The following PLPP4 variants were observed in gnomAD, a reference collection of about 807,000 sequenced individuals.
The protein encoded by PLPP4 is phospholipid phosphatase 4.
A neutral mutation model predicts 32.2 loss-of-function variants in PLPP4; 20 were observed. That is an observed-to-expected ratio of 0.62 (90% CI 0.44 to 0.90). The LOEUF (loss-of-function observed/expected upper bound fraction) is 0.90, where lower values mean the gene tolerates loss of function less well. Ranked by LOEUF, PLPP4 falls within the 40% of genes least tolerant of loss-of-function variation. PLPP4 has a pLI of 0.00. For missense variants in PLPP4, 257 were observed against 353.1 expected, an observed-to-expected ratio of 0.73 and a Z score of 2.18; for synonymous variants, 127 against 133.0, an observed-to-expected ratio of 0.95 and a Z score of 0.31.
intron 1 of PLPP4, among the ~76,000 whole-genome samples, chr10:120,488,935 A>G (rs1490855470): frequency 1.3e-5 from 2 of 152,240 alleles, no homozygotes; most frequent in East Asian, 3.8e-4. Flanking sequence ...ATTGGAGATA[A>G]CAGTGCCTAC....
chr10:120,571,643 T>C (rs1834490942), intron 5 of PLPP4, among the ~76,000 whole-genome samples: 1 of 152,158 alleles, frequency 6.6e-6, no homozygotes, highest in African/African-American at 2.4e-5. Flanking sequence ...ATTTCAGAGT[T>C]GGGTGGGAGA....
intron 6 of PLPP4, among the ~76,000 whole-genome samples, chr10:120,584,424 T>C (rs1383321338): frequency 6.6e-6 from 1 of 152,236 alleles, no homozygotes; most frequent in East Asian, 1.9e-4. Context: ...GTCCCATTCG[T>C]TCAGCCTGTG....
chr10:120,589,781 G>A lies in PLPP4; in HGVS notation c.*279G>A, dbSNP rs1849936814. ...CTTGGCCGATTCGTCTATCTGAAAT[G>A]TTTGCTGTAACAGCCACCTTCCTAT... On this transcript the variant is annotated 3_prime_UTR_variant, in exon 7 of 7. Transcript: ENST00000398250. 2.6e-6 allele frequency: 1 copy of A among 386,684 alleles called. No individual in the cohort carries two copies. Among genetic ancestry groups the A allele is most frequent in the Middle Eastern group, 6.8e-4 (1 of 1,462 alleles). 24.0% of individuals were successfully genotyped at this position (386,684 alleles called of 1,614,324 possible). A position where few individuals can be genotyped will look rare whatever the true frequency, so the allele number is the denominator to read the frequency against.
At chr10:120,548,595 A>G (rs1847742350) in intron 5 of PLPP4, among the ~76,000 whole-genome samples, 1 of 152,160 alleles carries the variant, frequency 6.6e-6, no homozygotes, top group African/African-American at 2.4e-5. Flanking sequence ...TATACATCCA[A>G]TAATGGGATT....
At chr10:120,483,775 T>C (rs964973685) in intron 1 of PLPP4, among the ~76,000 whole-genome samples, 3 of 152,134 alleles carry the variant, frequency 2.0e-5, no homozygotes, top group Non-Finnish European at 4.4e-5. Context: ...GCCTGACCCC[T>C]CCCCACTGTC....
At chr10:120,479,193 T>C (rs912243892) in intron 1 of PLPP4, among the ~76,000 whole-genome samples, 4 of 152,078 alleles carry the variant, frequency 2.6e-5, no homozygotes, top group Non-Finnish European at 5.9e-5. Context: ...GCCAGTGCAC[T>C]CCAGCCTGGG....
chr10:120,472,841 A>C (rs1205826014), intron 1 of PLPP4, among the ~76,000 whole-genome samples: 1 of 152,108 alleles, frequency 6.6e-6, no homozygotes, highest in Non-Finnish European at 1.5e-5. Context: ...CTTCAAATTC[A>C]CTAATTCTTT....
intron 1 of PLPP4, among the ~76,000 whole-genome samples, chr10:120,461,712 G>A (rs1234875750): frequency 6.6e-6 from 1 of 152,216 alleles, no homozygotes; most frequent in Non-Finnish European, 1.5e-5. Flanking sequence ...TACACAGTGG[G>A]CCACCATTTG....
intron 5 of PLPP4, among the ~76,000 whole-genome samples, chr10:120,553,502 T>G (rs1430771585): frequency 1.3e-5 from 2 of 152,190 alleles, no homozygotes; most frequent in Non-Finnish European, 2.9e-5. Flanking sequence ...CCTCCAGAAC[T>G]GGGAGAAATA....
chr10:120,571,093 CGTGTGTGTGTGTGT>C (rs60011757), intron 5 of PLPP4, among the ~76,000 whole-genome samples: 3 of 144,576 alleles, frequency 2.1e-5, no homozygotes, highest in African/African-American at 5.2e-5. Context: ...AGTAAAGGGG[CGTGTGTGTGTGTGT>C]GTGTGTGTGT....
Position 120,589,950 on chromosome 10 carries a change from G to A in PLPP4, c.*448G>A, listed in dbSNP as rs1589947347. 6.4e-6 allele frequency: 1 copy of A among 155,168 alleles called. No individual in the cohort carries two copies. The highest frequency in any genetic ancestry group is 2.4e-5 in the African/African-American group (1 of 41,558). 9.6% of individuals were successfully genotyped at this position (155,168 alleles called of 1,614,324 possible). A position where few individuals can be genotyped will look rare whatever the true frequency, so the allele number is the denominator to read the frequency against. On this transcript the variant is annotated 3_prime_UTR_variant, in exon 7 of 7. Coordinates refer to ENST00000398250, the MANE Select transcript of PLPP4 (RefSeq NM_001030059.3). ...GTCTGTAGGTCATTCCAGGTGCTGAGCTTGGAAGCAAAGGCTCAGAACCTT... is the reference window on the plus strand; with the variant it reads ...GTCTGTAGGTCATTCCAGGTGCTGAACTTGGAAGCAAAGGCTCAGAACCTT...
At chr10:120,474,450 C>T (rs970496777) in intron 1 of PLPP4, among the ~76,000 whole-genome samples, 1 of 152,108 alleles carries the variant, frequency 6.6e-6, no homozygotes, top group Non-Finnish European at 1.5e-5. Flanking sequence ...AATTAATGTA[C>T]ATAATACTGA....
chr10:120,500,854 A>G (rs546659625), intron 1 of PLPP4, among the ~76,000 whole-genome samples: 2 of 152,204 alleles, frequency 1.3e-5, no homozygotes, highest in East Asian at 3.9e-4. Flanking sequence ...ATCTGTCTCA[A>G]TGTGTGTGTG....
At chr10:120,476,467 C>T (rs146368796) in intron 1 of PLPP4, among the ~76,000 whole-genome samples, 1 of 152,280 alleles carries the variant, frequency 6.6e-6, no homozygotes, top group African/African-American at 2.4e-5. Flanking sequence ...AAGTCATTTG[C>T]CCATAGTCAT....
At chr10:120,528,571 T>C (rs990660992) in intron 5 of PLPP4, among the ~76,000 whole-genome samples, 1 of 152,066 alleles carries the variant, frequency 6.6e-6, no homozygotes, top group African/African-American at 2.4e-5. Flanking sequence ...CCCCTCATGG[T>C]TTTTTCCCTG....
chr10:120,485,637 C>G (rs981522428), intron 1 of PLPP4, among the ~76,000 whole-genome samples: 2 of 152,202 alleles, frequency 1.3e-5, no homozygotes, highest in Non-Finnish European at 2.9e-5. Flanking sequence ...CTGTGAATTT[C>G]TTGCCATATT....
chr10:120,513,820 T>G, intron 2 of PLPP4, 91 bp from the exon 3 acceptor site: 4 of 961,506 alleles, frequency 4.2e-6, no homozygotes, highest in Non-Finnish European at 6.7e-6. Context: ...AACCAGGGAG[T>G]CTAAATGAAA....
intron 1 of PLPP4, 197 bp from the exon 2 acceptor site, chr10:120,503,621 C>G (rs1716514690): frequency 1.2e-6 from 2 of 1,608,624 alleles, no homozygotes; most frequent in Non-Finnish European, 1.7e-6. Flanking sequence ...ATGGAAGAGT[C>G]TGCAAAGTCT....
intron 5 of PLPP4, among the ~76,000 whole-genome samples, chr10:120,542,894 A>G (rs1162848054): frequency 6.6e-6 from 1 of 152,178 alleles, no homozygotes; most frequent in Non-Finnish European, 1.5e-5. Context: ...ATGTAGTGGG[A>G]TGAGGTTTGC....
Sources: gnomAD v4.1 joint callset for allele counts (sites outside exome capture counted in the v4.1 genomes callset) on GRCh38, gnomAD v4.1.1 for gene constraint, MANE v1.5 for transcripts, NCBI Gene and HGNC (gene_info 2026-07-23, HGNC 2026-07-21) for gene names.